The following CSMD3 variants were observed in gnomAD, a reference collection of about 807,000 sequenced individuals.
CSMD3 encodes CUB and Sushi multiple domains 3.
CSMD3 carries 177 observed loss-of-function variants against 435.2 expected under a neutral mutation model. That is an observed-to-expected ratio of 0.41 (90% CI 0.36 to 0.46). CSMD3 has a LOEUF of 0.46. Among genes scored for constraint, CSMD3 ranks in the 20% least tolerant of loss-of-function variants. CSMD3 has a pLI of 0.34. For synonymous variants in CSMD3, 1,656 were observed against 1,520.5 expected (o/e 1.09, Z -2.07); for missense variants, 4,265 against 4,504.6 (o/e 0.95, Z 1.52).
chr8:112,902,508 G>T (rs1433100995), intron 10 of CSMD3, among the ~76,000 whole-genome samples: 1 of 151,252 alleles, frequency 6.6e-6, no homozygotes, highest in Non-Finnish European at 1.5e-5. Flanking sequence ...TGGCCCCTCA[G>T]TTCATAGAGA....
At chr8:112,603,569 G>A (rs1023888350) in intron 22 of CSMD3, among the ~76,000 whole-genome samples, 2 of 152,038 alleles carry the variant, frequency 1.3e-5, no homozygotes, top group Non-Finnish European at 2.9e-5. Context: ...TGCCATGTAT[G>A]GTCTGTAAGT....
chr8:113,391,757 G>A (rs192420320), intron 1 of CSMD3, among the ~76,000 whole-genome samples: 86 of 151,804 alleles, frequency 5.7e-4, no homozygotes, highest in African/African-American at 1.6e-3. Flanking sequence ...TTTAAAAGGA[G>A]GATCTAGAAA....
intron 36 of CSMD3, among the ~76,000 whole-genome samples, chr8:112,386,017 C>T (rs1039981678): frequency 4.6e-5 from 7 of 151,936 alleles, no homozygotes; most frequent in Non-Finnish European, 1.0e-4. Flanking sequence ...AAAGGAGATT[C>T]GACATTCATA....
At chr8:112,599,638 A>C (rs1203721639) in intron 22 of CSMD3, among the ~76,000 whole-genome samples, 1 of 151,688 alleles carries the variant, frequency 6.6e-6, no homozygotes, top group African/African-American at 2.4e-5. Flanking sequence ...AACAGTGATA[A>C]ACTGGATTAA....
At chr8:112,674,845 C>T (rs766267028) in intron 16 of CSMD3, among the ~76,000 whole-genome samples, 1 of 152,110 alleles carries the variant, frequency 6.6e-6, no homozygotes, top group Non-Finnish European at 1.5e-5. Flanking sequence ...GATAAGGAGA[C>T]TAGCACTTTC....
rs574888279 is a variant in CSMD3 at position 113,001,325 on chromosome 8, C to G, written c.1030+17742G>C. ...GGTTCTACAACCTTATTTCAGATAA[C>G]TCTCACTTAATCCTGCTATGTTTTA... On this transcript the variant is annotated intron_variant, in intron 6 of 70. Coordinates refer to ENST00000297405, the MANE Select transcript of CSMD3 (RefSeq NM_198123.2). 2.6e-5 allele frequency among the ~76,000 whole-genome samples: 4 copies of G among 152,166 alleles called. 1 individual carries two copies. The South Asian group carries it at 8.3e-4, about 32-fold the overall frequency.
intron 10 of CSMD3, among the ~76,000 whole-genome samples, chr8:112,909,900 C>T (rs2082360476): frequency 6.6e-6 from 1 of 151,770 alleles, no homozygotes; most frequent in South Asian, 2.1e-4. Flanking sequence ...AAATCATGAG[C>T]TGCTGCTTCA....
In CSMD3 at chr8:112,645,120, G is replaced by T. The variant is rs763376994; in HGVS notation, c.3299C>A (p.Thr1100Asn). The T allele has an allele frequency of 1.0e-5, 16 of 1,542,918 alleles. No individual in the cohort carries two copies. The highest frequency in any genetic ancestry group is 1.4e-5 in the Non-Finnish European group (16 of 1,115,040). ...ATGAGGCAAATTACCTTTTCCATGG[G>T]TTACATCAACAGTCCATGTACAATT... is the stretch of plus-strand genomic sequence containing the variant. ...SLNCTWTVDV[T>N]HGKGVQFNFH... Residue 1100 changes from threonine to asparagine, a missense_variant, in exon 20 of 71, where the codon ACC becomes AAC. Physicochemically the swap from Thr to Asn is moderately conservative, Grantham distance 65. This residue lies in a region of CSMD3 where 3,255 missense variants were observed against 3,380.2 expected (regional missense o/e 0.96). Coordinates refer to ENST00000297405, the MANE Select transcript of CSMD3 (RefSeq NM_198123.2).
chr8:113,087,147 G>GT (rs1588046167), intron 5 of CSMD3, among the ~76,000 whole-genome samples: 1 of 152,128 alleles, frequency 6.6e-6, no homozygotes, highest in East Asian at 1.9e-4. Context: ...TCCTATGGTT[G>GT]TTTTTGTCTT....
chr8:112,850,325 G>C (rs963595838), intron 11 of CSMD3, among the ~76,000 whole-genome samples: 1 of 152,044 alleles, frequency 6.6e-6, no homozygotes, highest in Non-Finnish European at 1.5e-5. Context: ...TTATATAAAG[G>C]ATGTGTAACA....
intron 32 of CSMD3, among the ~76,000 whole-genome samples, chr8:112,454,290 C>A (rs985772658): frequency 1.3e-5 from 2 of 151,872 alleles, no homozygotes; most frequent in African/African-American, 4.8e-5. Context: ...AGAAAACAGA[C>A]AATAAACAAA....
intron 28 of CSMD3, among the ~76,000 whole-genome samples, chr8:112,507,593 G>A (rs555012834): frequency 2.6e-5 from 4 of 152,224 alleles, no homozygotes; most frequent in South Asian, 4.2e-4. Flanking sequence ...CAGTACATCG[G>A]CATTCTTCTC....
intron 9 of CSMD3, among the ~76,000 whole-genome samples, chr8:112,935,649 T>C (rs2083257933): frequency 6.6e-6 from 1 of 151,878 alleles, no homozygotes; most frequent in Admixed American, 6.6e-5. Context: ...AAAGATGCTA[T>C]AATGACTGGA....
intron 32 of CSMD3, among the ~76,000 whole-genome samples, chr8:112,450,043 T>A (rs577508407): frequency 6.6e-6 from 1 of 152,174 alleles, no homozygotes; most frequent in African/African-American, 2.4e-5. Flanking sequence ...TATTACACAG[T>A]AATAAAACTG....
chr8:113,151,251 A>G (rs552647361), intron 4 of CSMD3, among the ~76,000 whole-genome samples: 1 of 152,050 alleles, frequency 6.6e-6, no homozygotes, highest in East Asian at 1.9e-4. Context: ...CTTTATGTGA[A>G]ATACTATTAT....
chr8:113,110,879 T>G (rs2131595341), intron 4 of CSMD3, among the ~76,000 whole-genome samples: 1 of 152,290 alleles, frequency 6.6e-6, no homozygotes, highest in African/African-American at 2.4e-5. Flanking sequence ...ATGAAGGCAC[T>G]GGCAGATTCA....
At chr8:113,155,800 A>T (rs764371690) in intron 4 of CSMD3, among the ~76,000 whole-genome samples, 1 of 152,108 alleles carries the variant, frequency 6.6e-6, no homozygotes, top group Non-Finnish European at 1.5e-5. Context: ...TAATACAGAT[A>T]TATTCAGTAT....
At chr8:113,023,234 A>T (rs953644109) in intron 5 of CSMD3, among the ~76,000 whole-genome samples, 1 of 149,884 alleles carries the variant, frequency 6.7e-6, no homozygotes, top group African/African-American at 2.5e-5. Flanking sequence ...TCTACTTTTT[A>T]AAAAAATCTT....
chr8:112,681,970 A>G (rs2075906932), intron 16 of CSMD3, among the ~76,000 whole-genome samples: 1 of 152,156 alleles, frequency 6.6e-6, no homozygotes, highest in Non-Finnish European at 1.5e-5. Context: ...AAAACTGAAA[A>G]AAATTAGCAA....
Sources: gnomAD v4.1 joint callset for allele counts (sites outside exome capture counted in the v4.1 genomes callset) on GRCh38, gnomAD v4.1.1 for gene constraint, gnomAD v4.1.1 regional missense constraint, MANE v1.5 for transcripts, NCBI Gene and HGNC (gene_info 2026-07-23, HGNC 2026-07-21) for gene names.